NRXN3: variants seen among roughly 807,000 people sequenced by gnomAD.
The protein encoded by NRXN3 is neurexin 3, also known as neurexin III.
Under a neutral mutation model 137.6 loss-of-function variants are expected in NRXN3, and 32 were observed. That is an observed-to-expected ratio of 0.23 (90% CI 0.18 to 0.31). The LOEUF is 0.31. Among genes scored for constraint, NRXN3 ranks in the 10% least tolerant of loss-of-function variants. The probability of loss-of-function intolerance (pLI) is 1.00; values close to 1 mark genes in which losing one functional copy is unlikely to be tolerated. For missense variants in NRXN3, 1,574 were observed against 2,062.5 expected, an observed-to-expected ratio of 0.76 and a Z score of 4.59; for synonymous variants, 798 against 784.5, an observed-to-expected ratio of 1.02 and a Z score of -0.29.
chr14:79,826,279 C>T (rs1175048482), intron 20 of NRXN3, among the ~76,000 whole-genome samples: 6 of 152,110 alleles, frequency 3.9e-5, no homozygotes, highest in Non-Finnish European at 8.8e-5. Flanking sequence ...AGGCATGAGC[C>T]GCTGTGCCCA....
chr14:78,450,755 C>T lies in NRXN3; in HGVS notation c.757+152895C>T, dbSNP rs551813991. Among the ~76,000 whole-genome samples, 401 of 152,228 alleles carry T rather than the reference C, an allele frequency of 2.6e-3. 2 individuals are homozygous for T. The highest frequency in any genetic ancestry group is 7.9e-3 in the South Asian group (38 of 4,818). ...TTTTCCAGTAGATTGAAAGCAAAGC[C>T]GCTGTTGATTTTCTCCAAAATGATC... On this transcript the variant is annotated intron_variant, in intron 4 of 20. Transcript: ENST00000335750.
intron 20 of NRXN3, among the ~76,000 whole-genome samples, chr14:79,821,865 G>C (rs747580574): frequency 1.3e-5 from 2 of 151,800 alleles, no homozygotes; most frequent in Non-Finnish European, 2.9e-5. Flanking sequence ...TTCAATCCCA[G>C]GTGTCCTAAA....
chr14:78,948,263 C>T (rs2099372527), intron 10 of NRXN3, among the ~76,000 whole-genome samples: 1 of 152,210 alleles, frequency 6.6e-6, no homozygotes, highest in Non-Finnish European at 1.5e-5. Flanking sequence ...CCATGAATGC[C>T]TCCCAGGATT....
chr14:78,398,488 G>T (rs2091736001), intron 4 of NRXN3, among the ~76,000 whole-genome samples: 2 of 152,068 alleles, frequency 1.3e-5, no homozygotes, highest in Admixed American at 1.3e-4. Context: ...AAAAGTCTAG[G>T]TTCTCTACTT....
intron 19 of NRXN3, among the ~76,000 whole-genome samples, chr14:79,758,583 T>G (rs900291883): frequency 6.6e-6 from 1 of 152,134 alleles, no homozygotes; most frequent in African/African-American, 2.4e-5. Flanking sequence ...CATTTCAACA[T>G]GGGATCTGGA....
At chr14:79,575,413 A>C (rs1257918445) in intron 16 of NRXN3, among the ~76,000 whole-genome samples, 1 of 152,204 alleles carries the variant, frequency 6.6e-6, no homozygotes, top group African/African-American at 2.4e-5. Flanking sequence ...TTCAGGGGAA[A>C]GAAAAATAAA....
chr14:79,058,340 A>G (rs112768022), intron 15 of NRXN3, among the ~76,000 whole-genome samples: 1,835 of 152,232 alleles, frequency 0.012, 34 homozygotes, highest in African/African-American at 0.042. Context: ...GGTTTTTAGA[A>G]TAACAAACCA....
chr14:79,615,078 C>T (rs2098140840), intron 16 of NRXN3, among the ~76,000 whole-genome samples: 1 of 152,116 alleles, frequency 6.6e-6, no homozygotes, highest in Admixed American at 6.6e-5. Flanking sequence ...ATCTCCAGGG[C>T]TATCATAGTG....
chr14:78,859,926 T>C (rs1306004431), intron 10 of NRXN3, among the ~76,000 whole-genome samples: 2 of 152,132 alleles, frequency 1.3e-5, no homozygotes, highest in African/African-American at 4.8e-5. Context: ...CCATCTTTCC[T>C]CTAAAGATCC....
intron 16 of NRXN3, among the ~76,000 whole-genome samples, chr14:79,624,334 C>A (rs1206198539): frequency 6.6e-6 from 1 of 151,992 alleles, no homozygotes; most frequent in African/African-American, 2.4e-5. Flanking sequence ...CAAAGAGTGA[C>A]AAGAGAAAAA....
chr14:79,026,953 TATATATATATATATATA>T (rs2099599253), intron 15 of NRXN3, among the ~76,000 whole-genome samples: 1 of 132 alleles, frequency 7.6e-3, no homozygotes, highest in African/African-American at 0.012. Context: ...TATAATTTTA[TATATATATATATATATA>T]TATATATATA....
intron 15 of NRXN3, among the ~76,000 whole-genome samples, chr14:79,234,310 ATATATATATAT>A (rs1271315770): frequency 2.0e-4 from 19 of 95,456 alleles, no homozygotes; most frequent in Non-Finnish European, 3.6e-4. Context: ...ATATATATAT[ATATATATATAT>A]ATATATATAT....
At chr14:79,511,993 G>A (rs541409869) in intron 16 of NRXN3, among the ~76,000 whole-genome samples, 35 of 152,168 alleles carry the variant, frequency 2.3e-4, no homozygotes, top group South Asian at 4.2e-4. Context: ...TCTGCCTCCC[G>A]GGTTCAAGTG....
chr14:78,845,071 A>C lies in NRXN3; in HGVS notation c.2275+34727A>C, dbSNP rs544453304. Among the ~76,000 whole-genome samples the C allele has an allele frequency of 1.6e-4, 24 of 152,136 alleles. No individual in the cohort carries two copies. In the East Asian group the frequency reaches 4.6e-3, roughly 29 times the overall value. Reference sequence around the variant, plus strand: ...GTGATGTCACAGGCCTGAAAAAAAAACTGTTGCAATGATCTTCATTGGCTA... The same window carrying C: ...GTGATGTCACAGGCCTGAAAAAAAACCTGTTGCAATGATCTTCATTGGCTA... On this transcript the variant is annotated intron_variant, in intron 10 of 20. Transcript: ENST00000335750.
intron 20 of NRXN3, among the ~76,000 whole-genome samples, chr14:79,834,846 T>C (rs904621523): frequency 4.6e-5 from 7 of 152,080 alleles, no homozygotes; most frequent in African/African-American, 1.2e-4. Context: ...GACCATCTTG[T>C]ACAGTTTATT....
intron 19 of NRXN3, among the ~76,000 whole-genome samples, chr14:79,733,259 G>A (rs753374290): frequency 6.6e-6 from 1 of 152,086 alleles, no homozygotes; most frequent in African/African-American, 2.4e-5. Flanking sequence ...GAATTGCACA[G>A]TAAAAAATAA....
At chr14:78,513,892 G>T (rs1567808965) in intron 4 of NRXN3, among the ~76,000 whole-genome samples, 2 of 152,062 alleles carry the variant, frequency 1.3e-5, no homozygotes, top group Admixed American at 1.3e-4. Flanking sequence ...TCCATAACTA[G>T]TCTACCTCTG....
At chr14:78,996,532 A>G (rs1223957098) in intron 15 of NRXN3, among the ~76,000 whole-genome samples, 4 of 152,206 alleles carry the variant, frequency 2.6e-5, no homozygotes, top group Non-Finnish European at 4.4e-5. Flanking sequence ...GTTAGCATCA[A>G]TTATACTGTA....
intron 10 of NRXN3, among the ~76,000 whole-genome samples, chr14:78,912,146 C>T (rs1040066831): frequency 2.0e-5 from 3 of 151,350 alleles, no homozygotes; most frequent in African/African-American, 4.9e-5. Context: ...GTTCAATTCC[C>T]ACCTATGAGT....
Sources: allele counts gnomAD v4.1 joint callset (sites outside exome capture counted in the v4.1 genomes callset), GRCh38; gene constraint gnomAD v4.1.1; transcripts MANE v1.5; gene names NCBI Gene and HGNC (gene_info 2026-07-23, HGNC 2026-07-21).